Variants in TEX2 observed in about 807,000 individuals in gnomAD.
TEX2 encodes the protein testis-expressed protein 2.
Under a neutral mutation model 106.9 loss-of-function variants are expected in TEX2, and 53 were observed. The observed-to-expected ratio is 0.50, with a 90% CI of 0.40 to 0.62. The LOEUF (loss-of-function observed/expected upper bound fraction) is 0.62. Ranked by LOEUF, TEX2 falls within the 20% of genes least tolerant of loss-of-function variation. The pLI is 0.00. For synonymous variants in TEX2, 523 were observed against 534.8 expected (o/e 0.98, Z 0.30); for missense variants, 1,207 against 1,379.0 (o/e 0.88, Z 1.98).
chr17:64,205,774 T>C lies in TEX2; in HGVS notation c.1644+6800A>G, dbSNP rs1431524720. 6.6e-6 allele frequency among the ~76,000 whole-genome samples: 1 copy of C among 152,138 alleles called. No individual in the cohort carries two copies. The highest frequency in any genetic ancestry group is 2.4e-5 in the African/African-American group (1 of 41,416). The stretch of plus-strand genomic sequence containing the variant: ...ACACAATCTAAAGAAAAAAAAGTTC[T>C]CCAAAATCCATTTCTATTAGTTTCT... On this transcript the variant is annotated intron_variant, in intron 2 of 11. Transcript: ENST00000584379. The surrounding 1 kb of genome is among the most constrained non-coding windows in gnomAD (Gnocchi z 4.0).
At chr17:64,181,488 A>T (rs1223098941) in intron 5 of TEX2, among the ~76,000 whole-genome samples, 1 of 151,322 alleles carries the variant, frequency 6.6e-6, no homozygotes, top group Non-Finnish European at 1.5e-5. Context: ...AAAAAAAAAA[A>T]AAAAAAAAAA....
At position 64,188,215 on chromosome 17, in the gene TEX2, T is replaced by C. The variant is rs1172578472; in HGVS notation, c.2377A>G (p.Arg793Gly). The C allele has an allele frequency of 5.6e-6, 9 of 1,612,748 alleles. No homozygotes were observed. The highest frequency in any genetic ancestry group is 3.3e-5 in the Admixed American group (2 of 60,018). Residue 793 changes from arginine (R) to glycine (G), a missense_variant, in exon 5 of 12, where the codon AGG becomes GGG. Arg to Gly is a moderately radical substitution (Grantham distance 125). Coordinates refer to ENST00000584379, the MANE Select transcript of TEX2 (RefSeq NM_001288732.2). ...CTCTCCGCACTCTGCAGGGGGCTCC[T>C]CTGGGGGCTTCGGCTTTCCTGGGGG... Reference protein sequence around the residue: ...CVPQESRSPQRSPLQSAESSP... With the variant: ...CVPQESRSPQGSPLQSAESSP...
chr17:64,213,705 G>A lies in TEX2; in HGVS notation c.513C>T (p.Pro171=), dbSNP rs146743029. The A allele has an allele frequency of 7.4e-6, 12 of 1,614,168 alleles. No individual in the cohort carries two copies. The African/African-American group carries it at 1.5e-4, about 20-fold the overall frequency. ...AGGTTGAGGCACTGGATGAGAGGAT[G>A]GGAGACTTAGAAGGAGAGGACAATG... ...SSPLSSPSKS[P]ILSSSASTST... The change falls in exon 2 of 12, where the codon CCC becomes CCT. Residue 171 remains proline, a synonymous_variant. Coordinates refer to ENST00000584379, the MANE Select transcript of TEX2 (RefSeq NM_001288732.2). This position sits in a 1 kb window ranked among gnomAD's most constrained non-coding sequence, Gnocchi z 4.4.
rs750420735 is a variant in TEX2 at position 64,188,275 on chromosome 17, G to C, written c.2317C>G (p.Leu773Val). ...CCCATGTACACGCTGTAGTCGAGAA[G>C]CATCTTCTGCCGCACGCTGCCTGCC... ...ELAGSVRQKM[L>V]LDYSVYMGRC... Residue 773 changes from leucine (L) to valine (V), a missense_variant, in exon 5 of 12, where the codon CTT (leucine) becomes GTT (valine). Physicochemically the swap from Leu to Val is conservative, Grantham distance 32. Around this residue, in one of 3 missense-constraint regions of TEX2, gnomAD observed 1,067 missense variants for 1,193.6 expected, o/e 0.89. Coordinates refer to ENST00000584379, the MANE Select transcript of TEX2 (RefSeq NM_001288732.2). 3.1e-6 allele frequency: 5 copies of C among 1,613,950 alleles called. No individual in the cohort carries two copies. The South Asian group carries it at 3.3e-5, about 11-fold the overall frequency.
At chr17:64,151,681 C>G (rs925329100) in intron 10 of TEX2, among the ~76,000 whole-genome samples, 2 of 152,188 alleles carry the variant, frequency 1.3e-5, no homozygotes, top group African/African-American at 4.8e-5. Context: ...CTTTATGGAT[C>G]AATAACACAT....
At chr17:64,152,924 C>A in intron 10 of TEX2, 21 bp downstream of exon 10, 1 of 1,609,252 alleles carries the variant, frequency 6.2e-7, no homozygotes, top group South Asian at 1.1e-5. Flanking sequence ...CACTTATTGT[C>A]CCTGAGGGCC....
chr17:64,159,302 T>C (rs1350941685), intron 8 of TEX2, among the ~76,000 whole-genome samples: 2 of 152,118 alleles, frequency 1.3e-5, no homozygotes, highest in African/African-American at 4.8e-5. Flanking sequence ...CACACTCCCT[T>C]TTTATTAGAT....
chr17:64,214,435 T>C (rs1413088348), intron 1 of TEX2, among the ~76,000 whole-genome samples, 193 bp from the exon 2 acceptor site: 1 of 152,244 alleles, frequency 6.6e-6, no homozygotes, highest in Non-Finnish European at 1.5e-5. Context: ...CATTCTCTTT[T>C]ATGAGCAAAC....
chr17:64,175,761 A>T (rs2031593029), intron 6 of TEX2, among the ~76,000 whole-genome samples: 1 of 152,238 alleles, frequency 6.6e-6, no homozygotes, highest in Non-Finnish European at 1.5e-5. Context: ...TTTGGAATGC[A>T]TGTAGCAGGG....
Position 64,188,398 on chromosome 17 carries a change from T to C in TEX2, c.2194A>G (p.Ser732Gly). Reference sequence around the variant, plus strand: ...TGCCCGGACGGACTGTTGTGTCTGCTGTGTGCAGGCAAAAGCCCTGGAGCC... The same window carrying C: ...TGCCCGGACGGACTGTTGTGTCTGCCGTGTGCAGGCAAAAGCCCTGGAGCC... The part of the protein sequence containing the change: ...GGKPGLLPAH[S>G]RHNSPSGHLT... Residue 732 changes from serine (S) to glycine (G), a missense_variant, in exon 5 of 12, where the codon AGC becomes GGC. Coordinates refer to ENST00000584379, the MANE Select transcript of TEX2 (RefSeq NM_001288732.2). 2 of 1,614,224 alleles carry C rather than the reference T, an allele frequency of 1.2e-6. No individual in the cohort carries two copies. The highest frequency in any genetic ancestry group is 1.7e-6 in the Non-Finnish European group (2 of 1,180,024).
At chr17:64,253,029 C>T (rs1351401556) in intron 1 of TEX2, among the ~76,000 whole-genome samples, 1 of 152,102 alleles carries the variant, frequency 6.6e-6, no homozygotes, top group African/African-American at 2.4e-5. Flanking sequence ...CTGGAGAAGG[C>T]AGGAGGGGCT....
intron 1 of TEX2, among the ~76,000 whole-genome samples, chr17:64,215,645 T>G (rs959800472): frequency 8.5e-5 from 13 of 152,332 alleles, no homozygotes; most frequent in Middle Eastern, 3.4e-3. Context: ...TGTCTCAGTA[T>G]CTTGGTCTGT....
chr17:64,227,506 C>T (rs782250462), intron 1 of TEX2, among the ~76,000 whole-genome samples: 4 of 152,104 alleles, frequency 2.6e-5, no homozygotes, highest in Non-Finnish European at 5.9e-5. Context: ...TATGTAAACA[C>T]ATGTCAATCT....
rs781899720 is a variant in TEX2, at chr17:64,214,121, T to C, written c.97A>G (p.Thr33Ala). 8.1e-6 allele frequency: 13 copies of C among 1,614,042 alleles called. No individual in the cohort carries two copies. The South Asian group carries it at 1.3e-4, about 16-fold the overall frequency. The change falls in exon 2 of 12, where the codon ACC (threonine) becomes GCC (alanine). Residue 33 changes from threonine (T) to alanine (A), a missense_variant. This residue lies in a region of TEX2 where 1,067 missense variants were observed against 1,193.6 expected (regional missense o/e 0.89). Coordinates refer to ENST00000584379, the MANE Select transcript of TEX2 (RefSeq NM_001288732.2). ...VHVQRSVSRD[T>A]IAIHFSASGE... ...GATGCCGAGAAGTGAATGGCGATGG[T>C]ATCTCGGGACACGGACCTCTGCACG...
chr17:64,188,502 C>A, intron 4 of TEX2, 87 bp from the exon 5 acceptor site: 5 of 1,578,588 alleles, frequency 3.2e-6, no homozygotes, highest in Non-Finnish European at 4.3e-6. Flanking sequence ...AGCTACAATG[C>A]TATCAAATGA....
chr17:64,165,506 C>T (rs1338319668), intron 7 of TEX2, among the ~76,000 whole-genome samples: 6 of 152,236 alleles, frequency 3.9e-5, no homozygotes, highest in Non-Finnish European at 8.8e-5. Context: ...CCACTCCTAT[C>T]AGCCCCACGT....
chr17:64,222,555 G>C (rs1480946705), intron 1 of TEX2, among the ~76,000 whole-genome samples: 1 of 146,422 alleles, frequency 6.8e-6, no homozygotes, highest in Non-Finnish European at 1.5e-5. Context: ...TGGAGGTCAA[G>C]ATGGGAGGAC....
intron 2 of TEX2, among the ~76,000 whole-genome samples, chr17:64,196,726 GTTTT>G (rs1366040693): frequency 1.3e-5 from 2 of 152,138 alleles, no homozygotes; most frequent in Non-Finnish European, 2.9e-5. Context: ...TTGGCTCACA[GTTTT>G]TTTGTCTTTT....
chr17:64,199,938 A>C (rs2032603824), intron 2 of TEX2, among the ~76,000 whole-genome samples: 1 of 152,254 alleles, frequency 6.6e-6, no homozygotes, highest in Non-Finnish European at 1.5e-5. Flanking sequence ...TCTTAGTGAT[A>C]AGAGACAGTC....
Sources: gnomAD v4.1 joint callset for allele counts (sites outside exome capture counted in the v4.1 genomes callset) on GRCh38, gnomAD v4.1.1 for gene constraint, gnomAD v4.1.1 regional missense constraint, Gnocchi (gnomAD v3.1) non-coding constraint, MANE v1.5 for transcripts, NCBI Gene and HGNC (gene_info 2026-07-23, HGNC 2026-07-21) for gene names.